ADCK1: variants seen among roughly 807,000 people sequenced by gnomAD.
The protein encoded by ADCK1 is aarF domain containing kinase 1.
ADCK1 carries 41 observed loss-of-function variants against 52.3 expected under a neutral mutation model. That is an observed-to-expected ratio of 0.78 (90% CI 0.61 to 1.02). ADCK1 has a LOEUF of 1.02. Among genes scored for constraint, ADCK1 ranks in the 50% least tolerant of loss-of-function variants. The pLI, the probability that ADCK1 is intolerant of heterozygous loss-of-function variation, is 0.00. For synonymous variants in ADCK1, 250 were observed against 274.6 expected, an observed-to-expected ratio of 0.91 and a Z score of 0.89; for missense variants, 658 against 679.5, an observed-to-expected ratio of 0.97 and a Z score of 0.35.
rs776517241 is a variant in ADCK1, at chr14:77,933,306, A to G, written c.1487A>G (p.His496Arg). The G allele has an allele frequency of 6.2e-7, 1 of 1,614,140 alleles. No individual in the cohort carries two copies. The highest frequency in any genetic ancestry group is 8.5e-7 in the Non-Finnish European group (1 of 1,180,024). Reference sequence around the variant, plus strand: ...TTCAACTTATGGCAGATCAACCTCCATGAGCTCATCCTGCGTGTGAAGGGG... The same window carrying G: ...TTCAACTTATGGCAGATCAACCTCCGTGAGCTCATCCTGCGTGTGAAGGGG... ...EAFNLWQINL[H>R]ELILRVKGLK... The change falls in exon 11 of 11, where the codon CAT becomes CGT. Residue 496 changes from histidine to arginine, a missense_variant. Transcript: ENST00000238561.
At chr14:77,835,761 G>C (rs996970303) in intron 3 of ADCK1, among the ~76,000 whole-genome samples, 6 of 152,064 alleles carry the variant, frequency 3.9e-5, no homozygotes, top group African/African-American at 1.4e-4. Flanking sequence ...TTAGCCTCCC[G>C]AATAGCTGGG....
chr14:77,883,663 T>A (rs2083083498), intron 4 of ADCK1, among the ~76,000 whole-genome samples: 1 of 152,138 alleles, frequency 6.6e-6, no homozygotes, highest in South Asian at 2.1e-4. Flanking sequence ...ACTTGCTTCC[T>A]GATAGAGAAG....
At chr14:77,883,900 A>T (rs1441708762) in intron 4 of ADCK1, among the ~76,000 whole-genome samples, 1 of 152,002 alleles carries the variant, frequency 6.6e-6, no homozygotes, top group Non-Finnish European at 1.5e-5. Context: ...CCTGGTGGGG[A>T]TGGGGAATTG....
intron 6 of ADCK1, among the ~76,000 whole-genome samples, chr14:77,903,714 G>T (rs1566720810): frequency 6.6e-6 from 1 of 152,112 alleles, no homozygotes; most frequent in Non-Finnish European, 1.5e-5. Flanking sequence ...GGATAGGTGT[G>T]CAGGGCCATG....
intron 4 of ADCK1, among the ~76,000 whole-genome samples, chr14:77,870,482 T>A (rs981980423): frequency 8.5e-5 from 13 of 152,174 alleles, no homozygotes; most frequent in African/African-American, 3.1e-4. Flanking sequence ...AAAGAGACAT[T>A]TTAGGCAAAG....
intron 10 of ADCK1, among the ~76,000 whole-genome samples, chr14:77,932,607 A>G (rs2084367445): frequency 6.6e-6 from 1 of 152,244 alleles, no homozygotes; most frequent in Non-Finnish European, 1.5e-5. Flanking sequence ...GACCACGTAT[A>G]TCACGTACCC....
intron 9 of ADCK1, among the ~76,000 whole-genome samples, chr14:77,927,605 G>C (rs2084227203): frequency 6.6e-6 from 1 of 152,160 alleles, no homozygotes; most frequent in Admixed American, 6.5e-5. Flanking sequence ...CAGTGCCCTG[G>C]ACGAAACAAG....
intron 3 of ADCK1, among the ~76,000 whole-genome samples, chr14:77,827,398 C>T (rs1483373107): frequency 1.4e-5 from 2 of 147,544 alleles, no homozygotes; most frequent in African/African-American, 5.0e-5. Context: ...GTCCCTAGAT[C>T]TAGCTGAAAT....
intron 7 of ADCK1, among the ~76,000 whole-genome samples, chr14:77,913,370 C>T (rs1417374449): frequency 6.6e-6 from 1 of 152,220 alleles, no homozygotes; most frequent in Admixed American, 6.5e-5. Flanking sequence ...GGGGTGCCCA[C>T]CTGCCAGCAA....
intron 1 of ADCK1, among the ~76,000 whole-genome samples, chr14:77,801,362 TTC>T (rs1480132002): frequency 6.6e-6 from 1 of 152,254 alleles, no homozygotes; most frequent in Non-Finnish European, 1.5e-5. Context: ...TTACGGGTCT[TTC>T]TGTCTTTATT....
intron 1 of ADCK1, among the ~76,000 whole-genome samples, chr14:77,817,923 A>G (rs890855257): frequency 6.1e-5 from 9 of 148,512 alleles, no homozygotes; most frequent in Admixed American, 2.0e-4. Context: ...TTTTTTTAGT[A>G]GAGACGGGGT....
At chr14:77,814,192 C>T (rs1368949915) in intron 1 of ADCK1, among the ~76,000 whole-genome samples, 7 of 152,018 alleles carry the variant, frequency 4.6e-5, no homozygotes, top group South Asian at 2.1e-4. Flanking sequence ...GATCCTCCCA[C>T]CTCAGCCTCC....
chr14:77,821,935 C>T (rs1214078090), intron 2 of ADCK1, among the ~76,000 whole-genome samples: 1 of 144,250 alleles, frequency 6.9e-6, no homozygotes, highest in Non-Finnish European at 1.5e-5. Context: ...AGCAAACATA[C>T]ATATAAAATA....
chr14:77,910,813 G>A (rs923130695), intron 7 of ADCK1, among the ~76,000 whole-genome samples: 10 of 152,194 alleles, frequency 6.6e-5, no homozygotes, highest in African/African-American at 2.4e-4. Flanking sequence ...GCTGGGCAGG[G>A]CGTACCCTCT....
At chr14:77,921,671 A>G (rs1477484224) in intron 7 of ADCK1, among the ~76,000 whole-genome samples, 1 of 152,090 alleles carries the variant, frequency 6.6e-6, no homozygotes, top group Non-Finnish European at 1.5e-5. Flanking sequence ...GGAAAGATAG[A>G]GTTGGAGGCA....
intron 7 of ADCK1, among the ~76,000 whole-genome samples, chr14:77,919,299 C>T (rs1218038075): frequency 3.3e-5 from 5 of 152,188 alleles, no homozygotes; most frequent in African/African-American, 1.2e-4. Context: ...CCTTTGTGTC[C>T]TCATAGATTA....
chr14:77,803,640 T>C (rs1242463275), intron 1 of ADCK1, among the ~76,000 whole-genome samples: 2 of 152,208 alleles, frequency 1.3e-5, no homozygotes, highest in Non-Finnish European at 1.5e-5. Context: ...GCTTTGCAGC[T>C]CTCCTAAACA....
At chr14:77,882,453 A>C (rs557414755) in intron 4 of ADCK1, among the ~76,000 whole-genome samples, 16 of 152,382 alleles carry the variant, frequency 1.0e-4, no homozygotes, top group Non-Finnish European at 2.1e-4. Context: ...TGTGAGATGC[A>C]TTATTGATAC....
intron 6 of ADCK1, among the ~76,000 whole-genome samples, chr14:77,907,029 A>G (rs954026433): frequency 1.3e-5 from 2 of 152,044 alleles, no homozygotes; most frequent in Non-Finnish European, 2.9e-5. Flanking sequence ...CGATCCTCCC[A>G]CCTTAGCCTC....
Sources: gnomAD v4.1 joint callset for allele counts (sites outside exome capture counted in the v4.1 genomes callset) on GRCh38, gnomAD v4.1.1 for gene constraint, MANE v1.5 for transcripts, NCBI Gene and HGNC (gene_info 2026-07-23, HGNC 2026-07-21) for gene names.